Variants in MED23 observed in about 807,000 individuals in gnomAD.
The protein encoded by MED23 is mediator complex subunit 23, also known as mediator of RNA polymerase II transcription subunit 23.
In MED23, 105 loss-of-function variants were observed where a neutral mutation model predicts 163.9. That is an observed-to-expected ratio of 0.64 (90% CI 0.55 to 0.75). The LOEUF is 0.75. Among genes scored for constraint, MED23 ranks in the 30% least tolerant of loss-of-function variants. The probability of loss-of-function intolerance (pLI) is 0.00; values close to 1 mark genes in which losing one functional copy is unlikely to be tolerated. For missense variants in MED23, 1,054 were observed against 1,649.0 expected (o/e 0.64, Z 6.25); for synonymous variants, 561 against 565.6 (o/e 0.99, Z 0.12).
At chr6:131,574,725 G>A (rs1441556159) in intron 30 of MED23, among the ~76,000 whole-genome samples, 1 of 152,120 alleles carries the variant, frequency 6.6e-6, no homozygotes, top group Non-Finnish European at 1.5e-5. Flanking sequence ...GGATTAGAGG[G>A]CAGATGACTA....
At chr6:131,581,991 T>C (rs17657829), downstream of MED23, among the ~76,000 whole-genome samples, 17,002 of 152,252 alleles carry the variant, frequency 0.11, 1,027 homozygotes, top group Middle Eastern at 0.19. Context: ...ACTTTGTTGA[T>C]ATGCCATAGT....
At chr6:131,595,476 GC>G in intron 22 of MED23, among the ~76,000 whole-genome samples, 1 of 152,254 alleles carries the variant, frequency 6.6e-6, no homozygotes, top group East Asian at 1.9e-4. Context: ...TACAAAATCA[GC>G]CTAGCATTCA....
At position 131,574,118 on chromosome 6, in the gene MED23, C is replaced by T. The variant is rs145344967; in HGVS notation, c.*175G>A. 269 of 764,346 alleles carry T rather than the reference C, an allele frequency of 3.5e-4. No homozygotes were observed. The African/African-American group carries it at 3.7e-3, about 11-fold the overall frequency. 47.3% of individuals were successfully genotyped at this position (764,346 alleles called of 1,614,324 possible). On this transcript the variant is annotated 3_prime_UTR_variant, in exon 31 of 31. Transcript: ENST00000354577. ...TAGTAAAGAGAGTGTGATGACAGAA[C>T]ACCTTAGACTTCAACACGCATCTGT...
chr6:131,613,521 G>C (rs1341521587), intron 10 of MED23, among the ~76,000 whole-genome samples: 2 of 152,144 alleles, frequency 1.3e-5, no homozygotes, highest in Non-Finnish European at 2.9e-5. Context: ...GATGTGATAA[G>C]ATGACTTGGT....
At chr6:131,625,308 T>C (rs1160717110) in intron 3 of MED23, among the ~76,000 whole-genome samples, 1 of 152,228 alleles carries the variant, frequency 6.6e-6, no homozygotes, top group East Asian at 1.9e-4. Context: ...TAAGGCATTG[T>C]AAACAGTGCC....
chr6:131,615,765 A>G, intron 10 of MED23, 142 bp downstream of exon 10: 1 of 694,728 alleles, frequency 1.4e-6, no homozygotes, highest in Non-Finnish European at 2.6e-6. Flanking sequence ...GGAATAATAC[A>G]TTGTTTAAAA....
chr6:131,584,325 C>G (rs537322176), downstream of MED23: 3 of 192,050 alleles, frequency 1.6e-5, no homozygotes, highest in Non-Finnish European at 3.2e-5. Flanking sequence ...CTCTTTATAA[C>G]AAGATTATAT....
intron 30 of MED23, among the ~76,000 whole-genome samples, chr6:131,577,385 G>A (rs1773670155): frequency 6.6e-6 from 1 of 152,150 alleles, no homozygotes; most frequent in South Asian, 2.1e-4. Flanking sequence ...TGACCCAGCA[G>A]TTCTACTCCT....
intron 4 of MED23, among the ~76,000 whole-genome samples, chr6:131,624,372 G>A (rs553073664): frequency 3.9e-5 from 6 of 152,158 alleles, no homozygotes; most frequent in South Asian, 2.1e-4. Context: ...GAGGGCCTGC[G>A]GAGGTTCTGG....
chr6:131,586,789 T>C lies in MED23; in HGVS notation c.*890A>G. On this transcript the variant is annotated 3_prime_UTR_variant, in exon 29 of 29. Coordinates refer to ENST00000368068, the MANE Select transcript of MED23 (RefSeq NM_004830.4). ...CAGACTTTACTCATTAGTTTTCAAG[T>C]CTTTCGCAATGCCAATTCCCCCAAA... 6.7e-7 allele frequency: 1 copy of C among 1,492,560 alleles called. No individual in the cohort carries two copies. The highest frequency in any genetic ancestry group is 1.2e-5 in the South Asian group (1 of 82,306). The allele number at this position is 1,492,560 out of a possible 1,614,324, so 92.5% of individuals were successfully genotyped here.
At chr6:131,574,144 G>A (rs1562352085) in exon 31 of MED23, 1 of 953,964 alleles carries the variant, frequency 1.0e-6, no homozygotes, top group Admixed American at 1.8e-5. Context: ...ACGCATCTGT[G>A]CTTAAAGAGG....
At chr6:131,582,536 G>T (rs911464078), downstream of MED23, 7 of 980,798 alleles carry the variant, frequency 7.1e-6, no homozygotes, top group Admixed American at 3.4e-5. Context: ...TAAGATATAC[G>T]CAATCCAATA....
In MED23 at chr6:131,592,464, C is replaced by T. The variant is rs746942392; in HGVS notation, c.3399-4G>A. 1 of 1,613,400 alleles carries T rather than the reference C, an allele frequency of 6.2e-7. No individual in the cohort carries two copies. The highest frequency in any genetic ancestry group is 1.7e-5 in the Admixed American group (1 of 60,012). ...CTCTCTTGGCACTAAAGGCTGACTG[C>T]AACCGGCAAAAAAGAATGTAAGTAT... On this transcript the variant is annotated splice_region_variant and splice_polypyrimidine_tract_variant and intron_variant, in intron 24 of 28. Coordinates refer to ENST00000368068, the MANE Select transcript of MED23 (RefSeq NM_004830.4).
intron 21 of MED23, 90 bp downstream of exon 21, chr6:131,596,428 A>G (rs1462631308): frequency 7.1e-7 from 1 of 1,409,524 alleles, no homozygotes; most frequent in Non-Finnish European, 1.0e-6. Flanking sequence ...AAAAAACATT[A>G]GAACCAGAGA....
chr6:131,622,391 G>C (rs994652316), intron 5 of MED23, among the ~76,000 whole-genome samples: 1 of 152,162 alleles, frequency 6.6e-6, no homozygotes, highest in African/African-American at 2.4e-5. Flanking sequence ...TTTGTGCTGG[G>C]ATTATAGGTG....
intron 22 of MED23, among the ~76,000 whole-genome samples, chr6:131,594,666 A>AC (rs759295945): frequency 6.6e-6 from 1 of 152,236 alleles, no homozygotes; most frequent in Non-Finnish European, 1.5e-5. Flanking sequence ...GAAAGATGAA[A>AC]AACAGCCTAA....
chr6:131,596,787 T>C, intron 20 of MED23, 99 bp from the exon 21 acceptor site: 1 of 1,155,278 alleles, frequency 8.7e-7, no homozygotes, highest in Non-Finnish European at 1.3e-6. Flanking sequence ...AAAATCTCAC[T>C]ATTATAATTT....
At chr6:131,621,835 A>T (rs540562064) in intron 6 of MED23, 46 bp downstream of exon 6, 1 of 1,339,166 alleles carries the variant, frequency 7.5e-7, no homozygotes, top group Admixed American at 1.9e-5. Flanking sequence ...ACAAAGCTAG[A>T]CTTTTTTGAG....
chr6:131,621,402 T>G (rs1777095834), intron 6 of MED23, among the ~76,000 whole-genome samples: 2 of 151,980 alleles, frequency 1.3e-5, no homozygotes, highest in South Asian at 4.1e-4. Context: ...TATAGAGATA[T>G]TATTTAATGG....
Sources: allele counts gnomAD v4.1 joint callset (sites outside exome capture counted in the v4.1 genomes callset), GRCh38; gene constraint gnomAD v4.1.1; transcripts MANE v1.5; gene names NCBI Gene and HGNC (gene_info 2026-07-23, HGNC 2026-07-21).